Variants in UNC79 observed in about 807,000 individuals in gnomAD.
UNC79 encodes the protein protein unc-79 homolog.
In UNC79, 37 loss-of-function variants were observed where a neutral mutation model predicts 283.1. The observed-to-expected ratio is 0.13, with a 90% CI of 0.10 to 0.17. The LOEUF is 0.17. Among genes scored for constraint, UNC79 ranks in the 10% least tolerant of loss-of-function variants. The pLI is 1.00. For missense variants in UNC79, 2,272 were observed against 3,211.1 expected, an observed-to-expected ratio of 0.71 and a Z score of 7.07; for synonymous variants, 1,107 against 1,200.2, an observed-to-expected ratio of 0.92 and a Z score of 1.61.
rs551978981 is a variant in UNC79 at position 93,692,282 on chromosome 14, A to G, written c.7470+336A>G. On this transcript the variant is annotated intron_variant, in intron 46 of 48. Transcript: ENST00000555664. The stretch of plus-strand genomic sequence containing the variant: ...GTACGTAAGGCAATGTACATGTTAA[A>G]TAGCTTGATTTAGCCATTCCACAAT... Among the ~76,000 whole-genome samples, 3 of 152,352 alleles carry G rather than the reference A, an allele frequency of 2.0e-5. No homozygotes were observed. The East Asian group carries it at 5.8e-4, about 29-fold the overall frequency.
At chr14:93,407,341 G>A (rs558575274) in intron 1 of UNC79, among the ~76,000 whole-genome samples, 3 of 152,294 alleles carry the variant, frequency 2.0e-5, no homozygotes, top group African/African-American at 7.2e-5. Context: ...GCCTCTAAAT[G>A]CAATACCTGA....
chr14:93,460,986 A>G (rs1238740878), intron 1 of UNC79, among the ~76,000 whole-genome samples: 1 of 152,228 alleles, frequency 6.6e-6, no homozygotes, highest in Non-Finnish European at 1.5e-5. Flanking sequence ...CTCTTACATA[A>G]AGGAAATTAT....
At chr14:93,526,941 A>G (rs2060575799) in intron 8 of UNC79, among the ~76,000 whole-genome samples, 1 of 152,238 alleles carries the variant, frequency 6.6e-6, no homozygotes, top group African/African-American at 2.4e-5. Flanking sequence ...ATTAATCCTC[A>G]CCAAAAGCCT....
intron 7 of UNC79, among the ~76,000 whole-genome samples, chr14:93,509,715 T>G (rs1448767163): frequency 6.6e-6 from 1 of 152,190 alleles, no homozygotes; most frequent in East Asian, 1.9e-4. Flanking sequence ...GCCCCTGTGG[T>G]TCTGCAAGGT....
intron 1 of UNC79, chr14:93,347,053 G>C (rs145419160): frequency 2.0e-6 from 1 of 497,688 alleles, no homozygotes; most frequent in Non-Finnish European, 3.5e-6. Flanking sequence ...CTGCTGAGTG[G>C]AAAGGGCAGT....
At chr14:93,578,156 C>A in intron 18 of UNC79, 93 bp downstream of exon 18, 1 of 1,214,692 alleles carries the variant, frequency 8.2e-7, no homozygotes, top group Non-Finnish European at 1.1e-6. Flanking sequence ...CATCTCCACA[C>A]TTATCAAAAT....
chr14:93,694,694 T>C (rs928058438), intron 47 of UNC79, among the ~76,000 whole-genome samples: 1 of 152,004 alleles, frequency 6.6e-6, no homozygotes, highest in Non-Finnish European at 1.5e-5. Flanking sequence ...AGCAGGAGGA[T>C]TGCTTGAGCC....
At chr14:93,662,788 A>C (rs2071738366) in intron 40 of UNC79, 74 bp downstream of exon 43, 1 of 1,208,016 alleles carries the variant, frequency 8.3e-7, no homozygotes, top group Admixed American at 2.3e-5. Context: ...AATCAGTGTC[A>C]AGTCCCTTTT....
At chr14:93,475,745 G>C (rs1258368112) in intron 3 of UNC79, among the ~76,000 whole-genome samples, 1 of 152,174 alleles carries the variant, frequency 6.6e-6, no homozygotes, top group Non-Finnish European at 1.5e-5. Context: ...TAGGGGAGCT[G>C]CCCGTTATCT....
At chr14:93,657,374 C>A (rs1596265616) in intron 38 of UNC79, among the ~76,000 whole-genome samples, 1 of 139,830 alleles carries the variant, frequency 7.2e-6, no homozygotes, top group South Asian at 2.3e-4. Context: ...TTTTTTGAGA[C>A]AGAGTCTCGC....
In UNC79 at chr14:93,500,290, A is replaced by G. The variant is rs563794162; in HGVS notation, c.898+3004A>G. Reference sequence around the variant, plus strand: ...TACCAAGATGTCTCTGTCTGAGGGCATTCATTCTTCAGTCCATCCTTGCAA... The same window carrying G: ...TACCAAGATGTCTCTGTCTGAGGGCGTTCATTCTTCAGTCCATCCTTGCAA... On this transcript the variant is annotated intron_variant, in intron 7 of 48. Transcript: ENST00000555664. 4.5e-4 allele frequency among the ~76,000 whole-genome samples: 69 copies of G among 152,304 alleles called. 1 individual carries two copies. The South Asian group carries it at 0.014, about 30-fold the overall frequency.
intron 41 of UNC79, among the ~76,000 whole-genome samples, chr14:93,676,428 TAGGGAAATATCCC>T (rs1416798566): frequency 2.0e-5 from 3 of 152,166 alleles, no homozygotes; most frequent in African/African-American, 7.2e-5. Flanking sequence ...GAACAGGGCT[TAGGGAAATATCCC>T]GGGAGGGATT....
Position 93,474,153 on chromosome 14 carries a change from A to ATGT in UNC79, c.209_211dup (p.Met70_Cys71insLeu). The ATGT allele has an allele frequency of 6.5e-7, 1 of 1,536,014 alleles. No homozygotes were observed. Among genetic ancestry groups the ATGT allele is most frequent in the South Asian group, 1.2e-5 (1 of 84,056 alleles). On this transcript the variant is annotated inframe_insertion, in exon 3 of 49. Transcript: ENST00000555664. The surrounding 1 kb of genome is among the most constrained non-coding windows in gnomAD (Gnocchi z 4.1). ...CTCCAATTTGACAGTGCCCATGACC[A>ATGT]TGTGTCTTTTTCCTGTGCCATTCCC...
intron 1 of UNC79, among the ~76,000 whole-genome samples, chr14:93,450,636 G>C (rs1377487449): frequency 1.3e-5 from 2 of 152,054 alleles, no homozygotes; most frequent in Non-Finnish European, 2.9e-5. Context: ...GTGTTGCTTT[G>C]GAGAATTTCA....
chr14:93,364,113 T>G (rs2054280511), intron 1 of UNC79, among the ~76,000 whole-genome samples: 1 of 152,190 alleles, frequency 6.6e-6, no homozygotes, highest in South Asian at 2.1e-4. Flanking sequence ...ACCTTTTTAG[T>G]TGAAGTATAA....
chr14:93,526,215 T>C (rs2060539404), intron 8 of UNC79, among the ~76,000 whole-genome samples: 1 of 152,208 alleles, frequency 6.6e-6, no homozygotes, highest in Non-Finnish European at 1.5e-5. Context: ...CATTAAGTCT[T>C]CCTGTGCTGG....
At chr14:93,421,283 G>A (rs1030083374) in intron 1 of UNC79, among the ~76,000 whole-genome samples, 3 of 151,636 alleles carry the variant, frequency 2.0e-5, no homozygotes, top group African/African-American at 4.8e-5. Flanking sequence ...AACTTATACT[G>A]CAGAAATTCA....
intron 1 of UNC79, among the ~76,000 whole-genome samples, chr14:93,339,328 C>T (rs1451084925): frequency 1.3e-5 from 2 of 151,922 alleles, no homozygotes; most frequent in East Asian, 3.9e-4. Context: ...GAGACAGAGT[C>T]TCACTGTGTT....
intron 1 of UNC79, among the ~76,000 whole-genome samples, chr14:93,366,132 C>A (rs768080278): frequency 2.0e-5 from 3 of 152,022 alleles, no homozygotes; most frequent in Non-Finnish European, 2.9e-5. Flanking sequence ...CTATACCTAC[C>A]CAAAGTAACA....
Sources: gnomAD v4.1 joint callset for allele counts (sites outside exome capture counted in the v4.1 genomes callset) on GRCh38, gnomAD v4.1.1 for gene constraint, Gnocchi (gnomAD v3.1) non-coding constraint, MANE v1.5 for transcripts, NCBI Gene and HGNC (gene_info 2026-07-23, HGNC 2026-07-21) for gene names.